The following OTUD7A variants were observed in gnomAD, a reference collection of about 807,000 sequenced individuals.
OTUD7A encodes the protein OTU domain-containing protein 7A.
In OTUD7A, 12 loss-of-function variants were observed where a neutral mutation model predicts 65.7. The ratio of observed to expected loss-of-function variants is 0.18; its 90% CI spans 0.12 to 0.30. The LOEUF is 0.30. OTUD7A is among the 10% of genes least tolerant of loss of function. The probability of loss-of-function intolerance (pLI) is 1.00; values close to 1 mark genes in which losing one functional copy is unlikely to be tolerated. For missense variants in OTUD7A, 1,148 were observed against 1,304.8 expected, an observed-to-expected ratio of 0.88 and a Z score of 1.85; for synonymous variants, 641 against 586.3, an observed-to-expected ratio of 1.09 and a Z score of -1.35.
At chr15:31,506,666 G>A (rs58136622) in intron 8 of OTUD7A, among the ~76,000 whole-genome samples, 1,568 of 152,244 alleles carry the variant, frequency 0.01, 20 homozygotes, top group African/African-American at 0.035. Flanking sequence ...GGCTAAGCAT[G>A]GATTGATGGG....
chr15:31,739,100 G>A (rs1894269220), intron 1 of OTUD7A, among the ~76,000 whole-genome samples: 1 of 152,120 alleles, frequency 6.6e-6, no homozygotes, highest in South Asian at 2.1e-4. Context: ...TCTGGATGTG[G>A]GTCTGGGACT....
At chr15:31,769,348 C>T (rs1368294865) in intron 1 of OTUD7A, among the ~76,000 whole-genome samples, 1 of 152,146 alleles carries the variant, frequency 6.6e-6, no homozygotes, top group African/African-American at 2.4e-5. Context: ...GTGTATGCAC[C>T]TAACAACAGA....
intron 3 of OTUD7A, among the ~76,000 whole-genome samples, chr15:31,620,421 A>G (rs1188185654): frequency 2.0e-5 from 3 of 152,136 alleles, no homozygotes; most frequent in Middle Eastern, 3.4e-3. Flanking sequence ...TTGGTAGGCT[A>G]TTCATTATTG....
intron 1 of OTUD7A, among the ~76,000 whole-genome samples, chr15:31,840,308 CA>C (rs1452297536): frequency 6.6e-6 from 1 of 152,030 alleles, no homozygotes; most frequent in African/African-American, 2.4e-5. Context: ...TATGGTGGCG[CA>C]CGCCTGTAAT....
chr15:31,517,259 A>G (rs1404703745), intron 8 of OTUD7A, among the ~76,000 whole-genome samples: 2 of 152,176 alleles, frequency 1.3e-5, no homozygotes, highest in African/African-American at 4.8e-5. Context: ...TGGAACTCCA[A>G]TTTAGCTGGG....
intron 1 of OTUD7A, among the ~76,000 whole-genome samples, chr15:31,713,476 G>A (rs1348767669): frequency 1.2e-4 from 18 of 152,210 alleles, no homozygotes; most frequent in Non-Finnish European, 1.8e-4. Flanking sequence ...AAAATTAGCC[G>A]AGTGTGGTGG....
At chr15:31,601,182 T>G (rs902387824) in intron 3 of OTUD7A, among the ~76,000 whole-genome samples, 1 of 152,164 alleles carries the variant, frequency 6.6e-6, no homozygotes, top group African/African-American at 2.4e-5. Flanking sequence ...ACATCGCACT[T>G]TTTCTAAAAC....
rs1208772722 is a variant in OTUD7A at position 31,475,790 on chromosome 15, A to G, written c.*7504T>C. 1 of 152,248 alleles carries G rather than the reference A, an allele frequency of 6.6e-6. No individual in the cohort carries two copies. The allele number at this position is 152,248 out of a possible 1,614,324, so 9.4% of individuals were successfully genotyped here. A position where few individuals can be genotyped will look rare whatever the true frequency, so the allele number is the denominator to read the frequency against. On this transcript the variant is annotated 3_prime_UTR_variant, in exon 13 of 13. Coordinates refer to ENST00000307050, the MANE Select transcript of OTUD7A (RefSeq NM_001382637.1). ...CAACTGGGTCAAAGTAATGTGATTG[A>G]CGACCTACTTTTGCCTCAGTGTTTT...
chr15:31,512,493 C>T (rs1031957113), intron 8 of OTUD7A, among the ~76,000 whole-genome samples: 2 of 152,140 alleles, frequency 1.3e-5, no homozygotes, highest in Non-Finnish European at 2.9e-5. Context: ...AAAGGGTGTA[C>T]TTGCCAGCAG....
At chr15:31,755,915 T>C (rs1035403854) in intron 1 of OTUD7A, among the ~76,000 whole-genome samples, 1 of 152,216 alleles carries the variant, frequency 6.6e-6, no homozygotes, top group Non-Finnish European at 1.5e-5. Flanking sequence ...GGGTGTGCAG[T>C]GGCTGGTGTT....
intron 3 of OTUD7A, among the ~76,000 whole-genome samples, chr15:31,625,785 AAAAC>A (rs1445719891): frequency 6.6e-6 from 1 of 152,196 alleles, no homozygotes; most frequent in Non-Finnish European, 1.5e-5. Flanking sequence ...GATGGATAAA[AAAAC>A]AAACTGTGGT....
chr15:31,804,500 T>G (rs1896217797), intron 1 of OTUD7A, among the ~76,000 whole-genome samples: 1 of 152,136 alleles, frequency 6.6e-6, no homozygotes, highest in Non-Finnish European at 1.5e-5. Flanking sequence ...TTCTCCTCCA[T>G]GGAGACCTCA....
At chr15:31,507,362 T>G (rs927899860) in intron 8 of OTUD7A, among the ~76,000 whole-genome samples, 1 of 151,990 alleles carries the variant, frequency 6.6e-6, no homozygotes, top group African/African-American at 2.4e-5. Context: ...ATGTTTTTTT[T>G]GTGTGTGTGT....
chr15:31,655,172 A>C lies in OTUD7A; in HGVS notation c.75T>G (p.Leu25=). The C allele has an allele frequency of 6.4e-7, 1 of 1,552,836 alleles. No individual in the cohort carries two copies. The highest frequency in any genetic ancestry group is 8.7e-7 in the Non-Finnish European group (1 of 1,147,502). The change falls in exon 3 of 13, where the codon CTT becomes CTG. Residue 25 remains leucine (L), a synonymous_variant. Coordinates refer to ENST00000307050, the MANE Select transcript of OTUD7A (RefSeq NM_001382637.1). ...AGTCTGACAGGACTGCGTCCATATC[A>C]AGAGTCATAGGATCATGTAGAAGTG... ...WAALLHDPMT[L]DMDAVLSDFV...
chr15:31,696,571 C>T (rs1206079469), intron 1 of OTUD7A, among the ~76,000 whole-genome samples: 1 of 130,796 alleles, frequency 7.6e-6, no homozygotes, highest in Non-Finnish European at 1.6e-5. Flanking sequence ...ATATTCCACT[C>T]CATCCCAGTG....
intron 1 of OTUD7A, among the ~76,000 whole-genome samples, chr15:31,687,651 A>G (rs1329436272): frequency 6.6e-6 from 1 of 152,216 alleles, no homozygotes; most frequent in African/African-American, 2.4e-5. Flanking sequence ...CTAGATGCCT[A>G]TCTGAATGGT....
chr15:31,846,895 C>G (rs980164703), intron 1 of OTUD7A, among the ~76,000 whole-genome samples: 15 of 152,186 alleles, frequency 9.9e-5, no homozygotes, highest in African/African-American at 2.9e-4. Context: ...GACAAAAAGT[C>G]TGTTGAAAGA....
In OTUD7A at chr15:31,660,230, G is replaced by GGT. The variant is rs574141730; in HGVS notation, c.-99-3155_-99-3154dup. Reference sequence around the variant, plus strand: ...CCGGCCTGGCGAGGAAGCCCACCCTGGTAAGAAGATCAGATGCCTGGGCTC... The same window carrying GGT: ...CCGGCCTGGCGAGGAAGCCCACCCTGGTGTAAGAAGATCAGATGCCTGGGCTC... On this transcript the variant is annotated intron_variant, in intron 1 of 12. Transcript: ENST00000307050. Among the ~76,000 whole-genome samples, 5 of 152,328 alleles carry GGT rather than the reference G, an allele frequency of 3.3e-5. No homozygotes were observed. The South Asian group carries it at 1.0e-3, about 32-fold the overall frequency.
chr15:31,559,679 T>G (rs1750956688), intron 4 of OTUD7A, among the ~76,000 whole-genome samples: 1 of 144,210 alleles, frequency 6.9e-6, no homozygotes, highest in Admixed American at 6.7e-5. Flanking sequence ...ACTACACACA[T>G]ATATACATGC....
Sources: allele counts gnomAD v4.1 joint callset (sites outside exome capture counted in the v4.1 genomes callset), GRCh38; gene constraint gnomAD v4.1.1; transcripts MANE v1.5; gene names NCBI Gene and HGNC (gene_info 2026-07-23, HGNC 2026-07-21).